The following CEP128 variants were observed in gnomAD, a reference collection of about 807,000 sequenced individuals.
CEP128 encodes the protein centrosomal protein 128, also known as centrosomal protein 128kDa.
Under a neutral mutation model 156.7 loss-of-function variants are expected in CEP128, and 132 were observed. That is an observed-to-expected ratio of 0.84 (90% CI 0.73 to 0.97). CEP128 has a LOEUF of 0.97. CEP128 is among the 50% of genes least tolerant of loss of function. CEP128 has a pLI of 0.00. For synonymous variants in CEP128, 469 were observed against 448.9 expected (o/e 1.04, Z -0.57); for missense variants, 1,252 against 1,281.9 (o/e 0.98, Z 0.36).
chr14:80,573,469 G>T (rs1489383454), intron 20 of CEP128, among the ~76,000 whole-genome samples: 1 of 152,072 alleles, frequency 6.6e-6, no homozygotes, highest in Non-Finnish European at 1.5e-5. Flanking sequence ...AAATGAAAAT[G>T]ACCTAGTCAA....
intron 2 of CEP128, among the ~76,000 whole-genome samples, chr14:80,919,892 T>C (rs772557033): frequency 2.6e-5 from 4 of 152,178 alleles, no homozygotes; most frequent in Non-Finnish European, 4.4e-5. Context: ...CAATAAAAGA[T>C]GTTCAAACTC....
At chr14:80,717,068 G>A (rs1297432693) in intron 19 of CEP128, among the ~76,000 whole-genome samples, 1 of 152,090 alleles carries the variant, frequency 6.6e-6, no homozygotes, top group Non-Finnish European at 1.5e-5. Context: ...TAATTGGGTT[G>A]TTTGTCATTT....
At chr14:80,827,778 T>C (rs960534625) in intron 13 of CEP128, among the ~76,000 whole-genome samples, 3 of 152,222 alleles carry the variant, frequency 2.0e-5, no homozygotes, top group Admixed American at 2.0e-4. Flanking sequence ...ATTGGTGCCC[T>C]GCATAAGAGA....
At chr14:80,529,791 C>T (rs1024332752) in intron 22 of CEP128, among the ~76,000 whole-genome samples, 10 of 152,174 alleles carry the variant, frequency 6.6e-5, no homozygotes, top group Admixed American at 5.9e-4. Context: ...TCAAATCAAA[C>T]ACTTGGTTTT....
intron 9 of CEP128, among the ~76,000 whole-genome samples, chr14:80,857,689 C>T (rs376209710): frequency 6.7e-6 from 1 of 149,466 alleles, no homozygotes; most frequent in Non-Finnish European, 1.5e-5. Flanking sequence ...TGTAGTGAGC[C>T]GAGATCATGC....
chr14:80,916,581 T>C lies in CEP128; in HGVS notation c.-15-19A>G, dbSNP rs779714430. The C allele has an allele frequency of 2.5e-6, 4 of 1,582,436 alleles. No individual in the cohort carries two copies. The East Asian group carries it at 6.7e-5, about 27-fold the overall frequency. On this transcript the variant is annotated intron_variant, in intron 2 of 24. Coordinates refer to ENST00000555265, the MANE Select transcript of CEP128 (RefSeq NM_152446.5). Reference sequence around the variant, plus strand: ...ACAAATCCTTTTAAATAAATATAGGTCAAAGTTAATGAAACAGTAAAAAGC... The same window carrying C: ...ACAAATCCTTTTAAATAAATATAGGCCAAAGTTAATGAAACAGTAAAAAGC...
At chr14:80,543,523 G>T (rs1249008477) in intron 21 of CEP128, among the ~76,000 whole-genome samples, 1 of 152,232 alleles carries the variant, frequency 6.6e-6, no homozygotes, top group Non-Finnish European at 1.5e-5. Flanking sequence ...TGGAGTACAT[G>T]TGAGCACAAG....
rs577481922 is a variant in CEP128, at chr14:80,619,593, T to C, written c.2807-39170A>G. 7.4e-4 allele frequency among the ~76,000 whole-genome samples: 112 copies of C among 150,824 alleles called. No individual in the cohort carries two copies. In the Middle Eastern group the frequency reaches 0.021, roughly 28 times the overall value. On this transcript the variant is annotated intron_variant, in intron 19 of 24. Coordinates refer to ENST00000555265, the MANE Select transcript of CEP128 (RefSeq NM_152446.5). ...GGTGGGTGCCTATAGTCCCAGCTAC[T>C]CAGGAGGCTGAGGCAGGAGAATCAC...
Position 80,785,132 on chromosome 14 carries a change from C to T in CEP128, c.1974G>A (p.Lys658=). The T allele has an allele frequency of 6.2e-7, 1 of 1,614,122 alleles. No homozygotes were observed. Among genetic ancestry groups the T allele is most frequent in the South Asian group, 1.1e-5 (1 of 91,086 alleles). ...ANKLAEEERA[K]KAVLKDLSDL... The stretch of plus-strand genomic sequence containing the variant: ...CAGAAAGGTCCTTAAGCACTGCTTT[C>T]TTGGCTCTCTCTTCCTCAGCCAATT... The change falls in exon 15 of 25, where the codon AAG becomes AAA. Residue 658 remains lysine, a synonymous_variant. Coordinates refer to ENST00000555265, the MANE Select transcript of CEP128 (RefSeq NM_152446.5).
At chr14:80,824,202 G>C (rs1595459609) in intron 13 of CEP128, among the ~76,000 whole-genome samples, 1 of 152,316 alleles carries the variant, frequency 6.6e-6, no homozygotes, top group Admixed American at 6.5e-5. Context: ...ACCACATGGG[G>C]ACCCTGGGCC....
chr14:80,707,599 C>T (rs1334477052), intron 19 of CEP128, among the ~76,000 whole-genome samples: 5 of 152,140 alleles, frequency 3.3e-5, no homozygotes, highest in Non-Finnish European at 5.9e-5. Context: ...TGTACATACA[C>T]ATCAAACCCA....
At chr14:80,859,530 TA>T (rs1338931038) in intron 9 of CEP128, among the ~76,000 whole-genome samples, 2 of 151,954 alleles carry the variant, frequency 1.3e-5, no homozygotes, top group Non-Finnish European at 2.9e-5. Context: ...ACATGTACCC[TA>T]AAACTTAAAG....
chr14:80,696,188 C>T (rs748505257), intron 19 of CEP128, among the ~76,000 whole-genome samples: 3 of 152,002 alleles, frequency 2.0e-5, no homozygotes, highest in East Asian at 3.9e-4. Context: ...AGAAGGAGAC[C>T]GGAAAGACCT....
chr14:80,627,488 G>A (rs1395800376), intron 19 of CEP128, among the ~76,000 whole-genome samples: 5 of 152,174 alleles, frequency 3.3e-5, no homozygotes, highest in Admixed American at 6.5e-5. Flanking sequence ...GCAGGACATT[G>A]TAAGGCCCAT....
chr14:80,750,318 T>C (rs1176293979), intron 18 of CEP128, among the ~76,000 whole-genome samples: 1 of 152,224 alleles, frequency 6.6e-6, no homozygotes, highest in Non-Finnish European at 1.5e-5. Context: ...AATCATAGTG[T>C]AGTTGCCCCT....
chr14:80,799,600 C>G (rs1190611913), intron 13 of CEP128, among the ~76,000 whole-genome samples: 1 of 152,102 alleles, frequency 6.6e-6, no homozygotes, highest in Non-Finnish European at 1.5e-5. Flanking sequence ...AAATTCTTTT[C>G]CTAGCAAGGA....
chr14:80,578,287 A>G (rs537156225), intron 20 of CEP128, among the ~76,000 whole-genome samples: 71 of 152,298 alleles, frequency 4.7e-4, no homozygotes, highest in Non-Finnish European at 6.9e-4. Context: ...GGGTTTGTTC[A>G]ATGAGTAAAT....
chr14:80,807,991 C>CA (rs1052465537), intron 13 of CEP128, among the ~76,000 whole-genome samples: 6 of 152,112 alleles, frequency 3.9e-5, no homozygotes, highest in Non-Finnish European at 8.8e-5. Flanking sequence ...TAGAGCACAT[C>CA]AAAAAAGCAG....
chr14:80,554,044 T>C (rs563756663), intron 21 of CEP128, among the ~76,000 whole-genome samples: 133 of 152,316 alleles, frequency 8.7e-4, no homozygotes, highest in African/African-American at 3.1e-3. Flanking sequence ...ATTCTTAGTT[T>C]AATAGAAGGT....
Sources: gnomAD v4.1 joint callset for allele counts (sites outside exome capture counted in the v4.1 genomes callset) on GRCh38, gnomAD v4.1.1 for gene constraint, MANE v1.5 for transcripts, NCBI Gene and HGNC (gene_info 2026-07-23, HGNC 2026-07-21) for gene names.